The following LAMTOR3 variants were observed in gnomAD, a reference collection of about 807,000 sequenced individuals.
LAMTOR3 encodes the protein ragulator complex protein LAMTOR3.
In LAMTOR3, 14 loss-of-function variants were observed where a neutral mutation model predicts 20.3. The ratio of observed to expected loss-of-function variants is 0.69; its 90% CI spans 0.46 to 1.08. The LOEUF (loss-of-function observed/expected upper bound fraction) is 1.08, where lower values mean the gene tolerates loss of function less well. LAMTOR3 is among the 50% of genes least tolerant of loss of function. The pLI, the probability that LAMTOR3 is intolerant of heterozygous loss-of-function variation, is 0.00. For missense variants in LAMTOR3, 125 were observed against 143.7 expected (o/e 0.87, Z 0.67); for synonymous variants, 40 against 49.4 (o/e 0.81, Z 0.80).
chr4:99,891,955 T>C, intron 3 of LAMTOR3, 45 bp downstream of exon 3: 1 of 1,549,426 alleles, frequency 6.5e-7, no homozygotes, highest in Non-Finnish European at 8.7e-7. Flanking sequence ...AAAATTAACA[T>C]ATGGCATATA....
chr4:99,885,588 C>T lies in LAMTOR3; in HGVS notation c.191G>A (p.Gly64Glu), dbSNP rs1183207968. The T allele has an allele frequency of 3.1e-6, 5 of 1,613,490 alleles. No individual in the cohort carries two copies. The highest frequency in any genetic ancestry group is 4.2e-6 in the Non-Finnish European group (5 of 1,179,644). The change falls in exon 5 of 7, where the codon GGA (glycine) becomes GAA (glutamate). Residue 64 changes from glycine (G) to glutamate (E), a missense_variant. Around this residue, in one of 3 missense-constraint regions of LAMTOR3, gnomAD observed 99 missense variants for 96.0 expected, o/e 1.03. Transcript: ENST00000499666. The stretch of plus-strand genomic sequence containing the variant: ...GATGATACTTTTATTTTTGGAAAGT[C>T]CAAGTTTGCTTCCTTGGTCTGTTGC... The part of the protein sequence containing the change: ...ALATDQGSKL[G>E]LSKNKSIICY...
intron 3 of LAMTOR3, among the ~76,000 whole-genome samples, chr4:99,887,670 TAGTGACA>T (rs1407669293): frequency 5.3e-5 from 8 of 152,200 alleles, no homozygotes; most frequent in Non-Finnish European, 1.2e-4. Flanking sequence ...GCAGGGGCTA[TAGTGACA>T]AAAAACAGCC....
Position 99,891,928 on chromosome 4 carries a change from C to T in LAMTOR3, c.44+72G>A, listed in dbSNP as rs370045135. The T allele has an allele frequency of 1.4e-4, 210 of 1,518,570 alleles. 7 individuals carry two copies. Among genetic ancestry groups the T allele is most frequent in the African/African-American group, 6.2e-4 (43 of 68,898 alleles). 94.1% of individuals were successfully genotyped at this position (1,518,570 alleles called of 1,614,324 possible). ...GAGATACTTCACAACATGGAAAATA[C>T]AGACAAAATGCTTCATAAAATTAAC... On this transcript the variant is annotated intron_variant, in intron 3 of 6. Coordinates refer to ENST00000499666, the MANE Select transcript of LAMTOR3 (RefSeq NM_021970.4).
chr4:99,893,734 C>CT (rs1252754791), intron 2 of LAMTOR3, among the ~76,000 whole-genome samples: 1 of 152,106 alleles, frequency 6.6e-6, no homozygotes, highest in Non-Finnish European at 1.5e-5. Context: ...TCTCAAGCAC[C>CT]TTAGTGTCCT....
chr4:99,885,186 T>C (rs950985725), intron 5 of LAMTOR3, among the ~76,000 whole-genome samples: 5 of 152,166 alleles, frequency 3.3e-5, no homozygotes, highest in Non-Finnish European at 7.4e-5. Context: ...TAATAAACTT[T>C]CAAGGAAAGT....
chr4:99,891,219 T>C lies in LAMTOR3; in HGVS notation c.44+781A>G, dbSNP rs58258562. Among the ~76,000 whole-genome samples, 1,112 of 152,290 alleles carry C rather than the reference T, an allele frequency of 7.3e-3. 15 individuals are homozygous for C. The highest frequency in any genetic ancestry group is 0.026 in the African/African-American group (1,060 of 41,554). On this transcript the variant is annotated intron_variant, in intron 3 of 6. Coordinates refer to ENST00000499666, the MANE Select transcript of LAMTOR3 (RefSeq NM_021970.4). The stretch of plus-strand genomic sequence containing the variant: ...TATCACCAGCGTAGTGGGGTATCTC[T>C]CCGTCCCAATTTGAGCGCCCTTTCA...
At position 99,885,647 on chromosome 4, in the gene LAMTOR3, A is replaced by G. The variant is rs573265787; in HGVS notation, c.132T>C (p.Ala44=). ...KVANDNAPEH[A]LRPGFLSTFA... ...AAGTGGATAAGAAACCAGGTCGCAA[A>G]GCATGCTCTGGAGCATTGTCATTTG... The change falls in exon 5 of 7, where the codon GCT becomes GCC. Residue 44 remains alanine, a synonymous_variant. Coordinates refer to ENST00000499666, the MANE Select transcript of LAMTOR3 (RefSeq NM_021970.4). 12 of 1,613,652 alleles carry G rather than the reference A, an allele frequency of 7.4e-6. No individual in the cohort carries two copies. In the South Asian group the frequency reaches 1.2e-4, roughly 16 times the overall value.
intron 5 of LAMTOR3, among the ~76,000 whole-genome samples, chr4:99,885,291 T>G (rs1042284845): frequency 2.0e-5 from 3 of 152,180 alleles, no homozygotes; most frequent in Non-Finnish European, 2.9e-5. Context: ...AACAGTGACC[T>G]GACATACTCT....
At chr4:99,882,848 A>G (rs1724853799) in intron 6 of LAMTOR3, among the ~76,000 whole-genome samples, 1 of 152,102 alleles carries the variant, frequency 6.6e-6, no homozygotes, top group South Asian at 2.1e-4. Context: ...TCAATGATGA[A>G]CCTGGGAGAT....
At chr4:99,883,136 A>T (rs1249060249) in intron 6 of LAMTOR3, among the ~76,000 whole-genome samples, 2 of 152,062 alleles carry the variant, frequency 1.3e-5, no homozygotes, top group African/African-American at 4.8e-5. Flanking sequence ...TTAAAATCTT[A>T]ACACCATTAC....
rs1249662018 is a variant in LAMTOR3, at chr4:99,881,977, C to T, written c.*17G>A. 2 of 1,552,454 alleles carry T rather than the reference C, an allele frequency of 1.3e-6. No individual in the cohort carries two copies. The highest frequency in any genetic ancestry group is 8.9e-7 in the Non-Finnish European group (1 of 1,127,536). Reference sequence around the variant, plus strand: ...TGTTATAATGAAGATAAGGTACACACTGAAACCACTGTCAGATTAAGAAAC... The same window carrying T: ...TGTTATAATGAAGATAAGGTACACATTGAAACCACTGTCAGATTAAGAAAC... On this transcript the variant is annotated 3_prime_UTR_variant, in exon 7 of 7. Transcript: ENST00000499666.
chr4:99,885,611 T>C lies in LAMTOR3; in HGVS notation c.168A>G (p.Ala56=). Residue 56 remains alanine, a synonymous_variant, in exon 5 of 7, where the codon GCA becomes GCG. Coordinates refer to ENST00000499666, the MANE Select transcript of LAMTOR3 (RefSeq NM_021970.4). ...GTCCAAGTTTGCTTCCTTGGTCTGTTGCAAGGGCAAAAGTGGATAAGAAAC... is the reference window on the plus strand; with the variant it reads ...GTCCAAGTTTGCTTCCTTGGTCTGTCGCAAGGGCAAAAGTGGATAAGAAAC... ...RPGFLSTFAL[A]TDQGSKLGLS... 6.2e-7 allele frequency: 1 copy of C among 1,613,682 alleles called. No individual in the cohort carries two copies. Among genetic ancestry groups the C allele is most frequent in the South Asian group, 1.1e-5 (1 of 91,066 alleles).
Position 99,879,609 on chromosome 4 carries a change from G to C in LAMTOR3, c.*2385C>G, listed in dbSNP as rs536566561. The C allele has an allele frequency of 3.3e-5, 5 of 151,988 alleles. No individual in the cohort carries two copies. Among genetic ancestry groups the C allele is most frequent in the Non-Finnish European group, 7.4e-5 (5 of 68,006 alleles). The allele number at this position is 151,988 out of a possible 1,614,324, so 9.4% of individuals were successfully genotyped here. A position where few individuals can be genotyped will look rare whatever the true frequency, so the allele number is the denominator to read the frequency against. ...AATGAGTACATCTAGTATTTCAATTGTAACAATTAACTACAGTCATGTGTT... is the reference window on the plus strand; with the variant it reads ...AATGAGTACATCTAGTATTTCAATTCTAACAATTAACTACAGTCATGTGTT... On this transcript the variant is annotated 3_prime_UTR_variant, in exon 7 of 7. Transcript: ENST00000499666.
intron 5 of LAMTOR3, 124 bp downstream of exon 5, chr4:99,885,418 A>C: frequency 1.3e-6 from 1 of 762,518 alleles, no homozygotes; most frequent in Non-Finnish European, 2.0e-6. Context: ...TGAAGGCTAA[A>C]ATTTTACAAT....
intron 5 of LAMTOR3, 94 bp downstream of exon 5, chr4:99,885,448 A>G (rs1481097198): frequency 8.9e-7 from 1 of 1,129,698 alleles, no homozygotes; most frequent in African/African-American, 1.6e-5. Flanking sequence ...TTCAAAACTA[A>G]AATTGAGAAC....
Position 99,888,942 on chromosome 4 carries a change from C to T in LAMTOR3, c.45-1588G>A, listed in dbSNP as rs146263261. ...AACATAGGCCGGGCACAGTGGCTGA[C>T]GCCTGTAATCCCAGCAATTTGGGAG... On this transcript the variant is annotated intron_variant, in intron 3 of 6. Transcript: ENST00000499666. Among the ~76,000 whole-genome samples the T allele has an allele frequency of 1.2e-3, 178 of 152,216 alleles. 1 individual carries two copies. The highest frequency in any genetic ancestry group is 4.2e-3 in the African/African-American group (173 of 41,538).
At chr4:99,892,092 A>G in intron 2 of LAMTOR3, 58 bp from the exon 3 acceptor site, 1 of 1,492,630 alleles carries the variant, frequency 6.7e-7, no homozygotes, top group South Asian at 1.4e-5. Flanking sequence ...TGTTTTCTAG[A>G]TCCTGTCCTA....
chr4:99,880,855 T>G lies in LAMTOR3; in HGVS notation c.*1139A>C, dbSNP rs957442656. On this transcript the variant is annotated 3_prime_UTR_variant, in exon 7 of 7. Coordinates refer to ENST00000499666, the MANE Select transcript of LAMTOR3 (RefSeq NM_021970.4). ...TCAAAGAGCCTAGAAAGAAATTAAC[T>G]CTGAATGATAGACTGCATTCCTGAA... 1 of 152,278 alleles carries G rather than the reference T, an allele frequency of 6.6e-6. No individual in the cohort carries two copies. The highest frequency in any genetic ancestry group is 2.4e-5 in the African/African-American group (1 of 41,468). The allele number at this position is 152,278 out of a possible 1,614,324, so 9.4% of individuals were successfully genotyped here. A position where few individuals can be genotyped will look rare whatever the true frequency, so the allele number is the denominator to read the frequency against.
intron 5 of LAMTOR3, 66 bp from the exon 6 acceptor site, chr4:99,884,191 T>C (rs1312179782): frequency 1.6e-6 from 2 of 1,221,028 alleles, no homozygotes; most frequent in Non-Finnish European, 2.4e-6. Context: ...TAAACTGAAA[T>C]GTCTTAATCT....
Sources: allele counts gnomAD v4.1 joint callset (sites outside exome capture counted in the v4.1 genomes callset), GRCh38; gene constraint gnomAD v4.1.1; regional missense constraint gnomAD v4.1.1; transcripts MANE v1.5; gene names NCBI Gene and HGNC (gene_info 2026-07-23, HGNC 2026-07-21).